Variants in KIF21A observed in about 807,000 individuals in gnomAD.
The protein encoded by KIF21A is kinesin family member 21A, also known as kinesin-like protein KIF21A.
KIF21A carries 114 observed loss-of-function variants against 202.9 expected under a neutral mutation model. The ratio of observed to expected loss-of-function variants is 0.56; its 90% CI spans 0.48 to 0.66. KIF21A has a LOEUF of 0.66. KIF21A is among the 30% of genes least tolerant of loss of function. KIF21A has a pLI of 0.00. For synonymous variants in KIF21A, 667 were observed against 670.8 expected (o/e 0.99, Z 0.09); for missense variants, 1,677 against 1,994.9 (o/e 0.84, Z 3.04).
intron 34 of KIF21A, 62 bp downstream of exon 34, chr12:39,307,503 T>C (rs1298195270): frequency 1.5e-5 from 22 of 1,503,910 alleles, no homozygotes; most frequent in Non-Finnish European, 2.0e-5. Flanking sequence ...TGCACTAATG[T>C]TATTAATGTC....
chr12:39,312,205 A>G (rs1217030929), intron 31 of KIF21A: 2 of 152,112 alleles, frequency 1.3e-5, no homozygotes, highest in African/African-American at 4.8e-5. Context: ...AAAGAAAGAG[A>G]TCATATCATT....
In KIF21A at chr12:39,428,755, C is replaced by T. The variant is rs1050715732; in HGVS notation, c.44+14172G>A. Among the ~76,000 whole-genome samples, 5 of 152,110 alleles carry T rather than the reference C, an allele frequency of 3.3e-5. No individual in the cohort carries two copies. In the East Asian group the frequency reaches 5.8e-4, roughly 18 times the overall value. On this transcript the variant is annotated intron_variant, in intron 1 of 37. Transcript: ENST00000361418. The stretch of plus-strand genomic sequence containing the variant: ...TGGGCGGATCATGAGGTCAGGAGAT[C>T]GAAACCATCCTGGCCAACATGGTGA...
chr12:39,331,638 C>T (rs1946514519), intron 22 of KIF21A, 52 bp downstream of exon 22: 1 of 1,153,598 alleles, frequency 8.7e-7, no homozygotes, highest in Non-Finnish European at 1.3e-6. Flanking sequence ...AATAAAACTA[C>T]AATGAATTAG....
intron 1 of KIF21A, among the ~76,000 whole-genome samples, chr12:39,436,406 A>G (rs1462882717): frequency 1.6e-4 from 21 of 134,618 alleles, no homozygotes; most frequent in African/African-American, 6.1e-4. Context: ...GTCAATAATT[A>G]TAAGGGTTTA....
Position 39,367,969 on chromosome 12 carries a change from T to C in KIF21A, c.514A>G (p.Lys172Glu). 1.9e-6 allele frequency: 3 copies of C among 1,607,114 alleles called. No individual in the cohort carries two copies. The highest frequency in any genetic ancestry group is 2.6e-6 in the Non-Finnish European group (3 of 1,174,058). The change falls in exon 4 of 38, where the codon AAA becomes GAA. Residue 172 changes from lysine to glutamate, a missense_variant. Lys to Glu is a moderately conservative substitution (Grantham distance 56). Transcript: ENST00000361418. Reference protein sequence around the residue: ...TTRDIDAKSKKSNIRIHEDST... With the variant: ...TTRDIDAKSKESNIRIHEDST... ...TCTTCATGAATTCTTATATTTGATTTTTTACTTTTTGCATCAATATCACGA... is the reference window on the plus strand; with the variant it reads ...TCTTCATGAATTCTTATATTTGATTCTTTACTTTTTGCATCAATATCACGA...
At chr12:39,348,433 C>T (rs1438576458) in intron 11 of KIF21A, among the ~76,000 whole-genome samples, 1 of 152,016 alleles carries the variant, frequency 6.6e-6, no homozygotes, top group Non-Finnish European at 1.5e-5. Context: ...ACCTTAAAAC[C>T]TCACATATTA....
chr12:39,337,908 A>G (rs1565843716), intron 16 of KIF21A, among the ~76,000 whole-genome samples: 1 of 152,348 alleles, frequency 6.6e-6, no homozygotes, highest in East Asian at 1.9e-4. Flanking sequence ...TATTAAGTAT[A>G]GTCCACACAA....
intron 37 of KIF21A, among the ~76,000 whole-genome samples, chr12:39,299,143 GCAAAAGAAA>G (rs566714374): frequency 5.2e-4 from 79 of 152,162 alleles, no homozygotes; most frequent in Non-Finnish European, 2.5e-4. Flanking sequence ...CATCTGCACA[GCAAAAGAAA>G]CTATCAATAG....
At chr12:39,357,693 T>C (rs1377582513) in intron 8 of KIF21A, among the ~76,000 whole-genome samples, 1 of 151,570 alleles carries the variant, frequency 6.6e-6, no homozygotes, top group Non-Finnish European at 1.5e-5. Context: ...GCAGATCACG[T>C]GAGGTCAGGA....
chr12:39,305,204 A>G (rs1943339825), intron 34 of KIF21A, among the ~76,000 whole-genome samples: 1 of 151,822 alleles, frequency 6.6e-6, no homozygotes, highest in African/African-American at 2.4e-5. Flanking sequence ...CGTCTCTACT[A>G]AAAATATAAA....
At chr12:39,342,372 G>A (rs1947513780) in intron 12 of KIF21A, among the ~76,000 whole-genome samples, 1 of 152,130 alleles carries the variant, frequency 6.6e-6, no homozygotes, top group Admixed American at 6.6e-5. Context: ...AATAGATTAT[G>A]CCCGAAAGCA....
intron 5 of KIF21A, 82 bp downstream of exon 5, chr12:39,366,948 G>T: frequency 7.5e-7 from 1 of 1,326,742 alleles, no homozygotes; most frequent in Non-Finnish European, 1.1e-6. Context: ...ACTGAATTTG[G>T]CTCAAATATA....
chr12:39,384,923 C>T (rs918328367), intron 1 of KIF21A, among the ~76,000 whole-genome samples: 21 of 152,206 alleles, frequency 1.4e-4, no homozygotes, highest in Admixed American at 1.0e-3. Context: ...ATGCCACTCT[C>T]ATGGCCTAGC....
chr12:39,306,240 C>T (rs60792848), intron 34 of KIF21A, among the ~76,000 whole-genome samples: 45,247 of 152,084 alleles, frequency 0.3, 8,464 homozygotes, highest in African/African-American at 0.53. Flanking sequence ...TCAACCAGGT[C>T]TCCAAGAGTC....
intron 19 of KIF21A, 31 bp downstream of exon 19, chr12:39,332,862 A>G: frequency 6.2e-7 from 1 of 1,611,192 alleles, no homozygotes; most frequent in Non-Finnish European, 8.5e-7. Context: ...GGCCAAGAAG[A>G]TTACATCAGC....
intron 11 of KIF21A, among the ~76,000 whole-genome samples, chr12:39,350,731 A>C (rs1948303528): frequency 1.3e-5 from 2 of 152,010 alleles, no homozygotes; most frequent in East Asian, 3.8e-4. Context: ...TACTAACCAT[A>C]ATGTATAATT....
chr12:39,361,707 C>G (rs56885420), intron 7 of KIF21A, among the ~76,000 whole-genome samples: 1 of 151,786 alleles, frequency 6.6e-6, no homozygotes, highest in South Asian at 2.1e-4. Context: ...AGGGTTTCAC[C>G]GTGTTAGCCA....
At chr12:39,298,192 C>T (rs1272492048) in intron 37 of KIF21A, among the ~76,000 whole-genome samples, 2 of 152,090 alleles carry the variant, frequency 1.3e-5, no homozygotes, top group Non-Finnish European at 2.9e-5. Flanking sequence ...GAAGCATTTT[C>T]CACACCACAG....
At chr12:39,397,185 TA>T (rs1160053000) in intron 1 of KIF21A, among the ~76,000 whole-genome samples, 1 of 152,254 alleles carries the variant, frequency 6.6e-6, no homozygotes, top group Non-Finnish European at 1.5e-5. Flanking sequence ...TTATGGTCTA[TA>T]AATTATACCC....
Sources: allele counts gnomAD v4.1 joint callset (sites outside exome capture counted in the v4.1 genomes callset), GRCh38; gene constraint gnomAD v4.1.1; transcripts MANE v1.5; gene names NCBI Gene and HGNC (gene_info 2026-07-23, HGNC 2026-07-21).